The following CADPS2 variants were observed in gnomAD, a reference collection of about 807,000 sequenced individuals.
CADPS2 encodes the protein calcium-dependent secretion activator 2.
In CADPS2, 93 loss-of-function variants were observed where a neutral mutation model predicts 172.5. That is an observed-to-expected ratio of 0.54 (90% confidence interval 0.46 to 0.64). CADPS2 has a LOEUF of 0.64. CADPS2 is among the 30% of genes least tolerant of loss of function. The probability of loss-of-function intolerance (pLI) is 0.00; values close to 1 mark genes in which losing one functional copy is unlikely to be tolerated. For missense variants in CADPS2, 1,420 were observed against 1,565.9 expected, an observed-to-expected ratio of 0.91 and a Z score of 1.57; for synonymous variants, 546 against 555.2, an observed-to-expected ratio of 0.98 and a Z score of 0.23.
intron 1 of CADPS2, among the ~76,000 whole-genome samples, chr7:122,794,098 T>C (rs1185811060): frequency 6.6e-6 from 1 of 152,072 alleles, no homozygotes; most frequent in East Asian, 1.9e-4. Flanking sequence ...CGATTACATG[T>C]CTTGTGGATG....
intron 17 of CADPS2, among the ~76,000 whole-genome samples, chr7:122,422,812 A>T (rs912344406): frequency 4.8e-5 from 7 of 145,068 alleles, no homozygotes; most frequent in Non-Finnish European, 7.5e-5. Flanking sequence ...AAAAAAAAAT[A>T]GCCTGGCGTG....
chr7:122,318,707 C>T lies in CADPS2; in HGVS notation c.*1458G>A, dbSNP rs1411693753. ...AAATTTCCTTGTTTGTTATCTTAGCCCTAGGGCCCAGAAAATGAGCCAAAA... is the reference window on the plus strand; with the variant it reads ...AAATTTCCTTGTTTGTTATCTTAGCTCTAGGGCCCAGAAAATGAGCCAAAA... On this transcript the variant is annotated 3_prime_UTR_variant, in exon 30 of 30. Transcript: ENST00000449022. The T allele has an allele frequency of 2.0e-5, 3 of 152,154 alleles. No individual in the cohort carries two copies. Among genetic ancestry groups the T allele is most frequent in the Non-Finnish European group, 4.4e-5 (3 of 68,042 alleles). 9.4% of individuals were successfully genotyped at this position (152,154 alleles called of 1,614,324 possible).
At chr7:122,464,445 C>A (rs2054877019) in intron 14 of CADPS2, among the ~76,000 whole-genome samples, 1 of 152,154 alleles carries the variant, frequency 6.6e-6, no homozygotes, top group Non-Finnish European at 1.5e-5. Flanking sequence ...GATAGTTCTC[C>A]TTCTAGGAGT....
Position 122,438,445 on chromosome 7 carries a change from G to T in CADPS2, c.2372C>A (p.Ala791Asp). 2.5e-6 allele frequency: 4 copies of T among 1,612,722 alleles called. No individual in the cohort carries two copies. Among genetic ancestry groups the T allele is most frequent in the Non-Finnish European group, 2.5e-6 (3 of 1,179,196 alleles). The part of the protein sequence containing the change: ...LLERVLMKDI[A>D]TPIPAEEVKK... ...CACCTCTTCTGCTGGTATGGGAGTG[G>T]CAATATCTTTCATTAAAACCTACAG... The change falls in exon 17 of 30, where the codon GCC (alanine) becomes GAC (aspartate). Residue 791 changes from alanine to aspartate, a missense_variant. Ala to Asp is a moderately radical substitution (Grantham distance 126). Coordinates refer to ENST00000449022, the MANE Select transcript of CADPS2 (RefSeq NM_017954.11).
chr7:122,574,305 G>C (rs1344807048), intron 7 of CADPS2, among the ~76,000 whole-genome samples: 1 of 151,512 alleles, frequency 6.6e-6, no homozygotes, highest in Non-Finnish European at 1.5e-5. Flanking sequence ...AATTTGCCCA[G>C]CACGGTGGCA....
chr7:122,379,894 T>C (rs934405462), intron 24 of CADPS2, among the ~76,000 whole-genome samples: 19 of 152,138 alleles, frequency 1.2e-4, no homozygotes, highest in African/African-American at 4.6e-4. Context: ...TAAAATGAGC[T>C]CCCAATTGTT....
At chr7:122,384,114 C>A (rs2043336596) in intron 24 of CADPS2, among the ~76,000 whole-genome samples, 2 of 152,088 alleles carry the variant, frequency 1.3e-5, no homozygotes, top group Admixed American at 6.6e-5. Flanking sequence ...AGACTGCTGA[C>A]TCATTTCACA....
In CADPS2 at chr7:122,624,909, G is replaced by A. The variant is rs529104754; in HGVS notation, c.868-3192C>T. ...TTTCTTCTGATAGAAAGTCATAAGT[G>A]GCATGGAGAAAAAGTCTAGAAGGAG... On this transcript the variant is annotated intron_variant, in intron 4 of 29. Transcript: ENST00000449022. Among the ~76,000 whole-genome samples the A allele has an allele frequency of 6.6e-5, 10 of 152,234 alleles. No individual in the cohort carries two copies. The East Asian group carries it at 1.9e-3, about 29-fold the overall frequency.
chr7:122,607,627 T>G (rs2073753901), intron 6 of CADPS2, among the ~76,000 whole-genome samples: 1 of 152,180 alleles, frequency 6.6e-6, no homozygotes, highest in African/African-American at 2.4e-5. Context: ...AGCTAACATC[T>G]GGAATCTAAA....
chr7:122,474,631 C>CA, intron 12 of CADPS2, 114 bp from the exon 13 acceptor site: 1 of 955,066 alleles, frequency 1.0e-6, no homozygotes, highest in Non-Finnish European at 1.5e-6. Context: ...CCTTTTATCA[C>CA]ATGAAATATG....
At chr7:122,553,182 T>C (rs150746485) in intron 8 of CADPS2, among the ~76,000 whole-genome samples, 1 of 152,282 alleles carries the variant, frequency 6.6e-6, no homozygotes, top group African/African-American at 2.4e-5. Context: ...ACAGCACTTA[T>C]CACTATCATA....
At chr7:122,774,091 TAA>T (rs1453141803) in intron 1 of CADPS2, among the ~76,000 whole-genome samples, 3 of 151,956 alleles carry the variant, frequency 2.0e-5, no homozygotes, top group African/African-American at 7.2e-5. Context: ...GATTTTAAAA[TAA>T]AAAAGAGAAA....
intron 17 of CADPS2, among the ~76,000 whole-genome samples, chr7:122,430,445 AAAT>A (rs1332362402): frequency 7.2e-5 from 11 of 152,202 alleles, no homozygotes; most frequent in Non-Finnish European, 4.4e-5. Flanking sequence ...TCTTCTTTTA[AAAT>A]AATATCTAAT....
intron 3 of CADPS2, among the ~76,000 whole-genome samples, chr7:122,651,349 A>T (rs2079130508): frequency 6.6e-6 from 1 of 151,830 alleles, no homozygotes; most frequent in Admixed American, 6.6e-5. Flanking sequence ...CTTTCTGCAC[A>T]TGTTGAATGA....
At chr7:122,557,318 G>A (rs777629487) in intron 7 of CADPS2, among the ~76,000 whole-genome samples, 25 of 152,100 alleles carry the variant, frequency 1.6e-4, no homozygotes, top group Non-Finnish European at 3.1e-4. Context: ...AAGGACAAGG[G>A]AGTTCTTTTC....
At chr7:122,570,017 C>T (rs374888620) in intron 7 of CADPS2, among the ~76,000 whole-genome samples, 7,995 of 149,694 alleles carry the variant, frequency 0.053, 413 homozygotes, top group African/African-American at 0.13. Context: ...GCAACAAAAG[C>T]CAAAATTGAC....
At chr7:122,858,280 T>A (rs1815892863) in intron 1 of CADPS2, among the ~76,000 whole-genome samples, 1 of 152,154 alleles carries the variant, frequency 6.6e-6, no homozygotes, top group Non-Finnish European at 1.5e-5. Flanking sequence ...CATTAATGCT[T>A]CAGTGCCCAA....
intron 1 of CADPS2, among the ~76,000 whole-genome samples, chr7:122,883,806 T>G (rs1563248987): frequency 6.6e-6 from 1 of 152,210 alleles, no homozygotes; most frequent in Non-Finnish European, 1.5e-5. Flanking sequence ...CTCTAAGCAT[T>G]TAGAATGTGG....
intron 12 of CADPS2, among the ~76,000 whole-genome samples, chr7:122,479,692 C>T (rs1216962326): frequency 6.6e-6 from 1 of 152,022 alleles, no homozygotes; most frequent in African/African-American, 2.4e-5. Flanking sequence ...CCTAGAATTA[C>T]AAATAAGCAA....
Sources: allele counts gnomAD v4.1 joint callset (sites outside exome capture counted in the v4.1 genomes callset), GRCh38; gene constraint gnomAD v4.1.1; transcripts MANE v1.5; gene names NCBI Gene and HGNC (gene_info 2026-07-23, HGNC 2026-07-21).